ZNF469: variants seen among roughly 807,000 people sequenced by gnomAD.
ZNF469 encodes zinc finger protein 469.
In ZNF469, 1 loss-of-function variant was observed where a neutral mutation model predicts 1.0. That is an observed-to-expected ratio of 1.00 (90% CI 0.35 to 4.73). The LOEUF is 4.73. Among genes scored for constraint, ZNF469 ranks in the 30% most tolerant of loss-of-function variants. The pLI is 0.16. For synonymous variants in ZNF469, 2,703 were observed against 2,363.4 expected (o/e 1.14, Z -4.17); for missense variants, 6,100 against 5,356.3 (o/e 1.14, Z -4.33).
At chr16:88,156,415 G>A in the ZNF469 span, among the ~76,000 whole-genome samples, 1 of 152,180 alleles carries the variant, frequency 6.6e-6, no homozygotes, top group African/African-American at 2.4e-5. Context: ...TGTGTATGGT[G>A]TGAGGTAGGG....
the ZNF469 span, among the ~76,000 whole-genome samples, chr16:88,142,474 G>A: frequency 0.17 from 25,450 of 152,182 alleles, 2,654 homozygotes; most frequent in East Asian, 0.48. Context: ...TGCCTAAGCG[G>A]GTCCTTATCA....
At chr16:88,129,975 C>G in the ZNF469 span, among the ~76,000 whole-genome samples, 1 of 152,240 alleles carries the variant, frequency 6.6e-6, no homozygotes, top group African/African-American at 2.4e-5. Context: ...TCAGACTCAG[C>G]TTTTCTTGCT....
At chr16:88,195,543 A>T in the ZNF469 span, among the ~76,000 whole-genome samples, 2 of 152,184 alleles carry the variant, frequency 1.3e-5, no homozygotes, top group African/African-American at 4.8e-5. Flanking sequence ...GCCAAGAGAC[A>T]AGGTTGCAGA....
chr16:88,125,874 A>G, the ZNF469 span, among the ~76,000 whole-genome samples: 2 of 152,172 alleles, frequency 1.3e-5, no homozygotes, highest in Non-Finnish European at 2.9e-5. Context: ...GACCCTGCTT[A>G]GTTCTAGTTC....
At chr16:88,354,750 G>C in the ZNF469 span, among the ~76,000 whole-genome samples, 33 of 152,268 alleles carry the variant, frequency 2.2e-4, no homozygotes, top group African/African-American at 7.9e-4. Context: ...GGCTCCCAAG[G>C]CTCCCAAGCC....
At chr16:88,212,113 C>A in the ZNF469 span, among the ~76,000 whole-genome samples, 1 of 152,176 alleles carries the variant, frequency 6.6e-6, no homozygotes, top group African/African-American at 2.4e-5. Flanking sequence ...CTTAAAGTTG[C>A]CTGCTATTTT....
Position 88,432,041 on chromosome 16 carries a change from T to G in ZNF469, c.4571T>G (p.Leu1524Arg), listed in dbSNP as rs111916311. ...CCTGATCTCTCGGGGGGAAAGGTGC[T>G]CAGTAAGACGTGTCCCCCTGAACGG... ...HFPDLSGGKV[L>R]SKTCPPERTV... Residue 1524 changes from leucine to arginine, a missense_variant, in exon 3 of 3, where the codon CTC becomes CGC. Transcript: ENST00000565624. 5.9e-5 allele frequency: 92 copies of G among 1,550,434 alleles called. No homozygotes were observed. In the African/African-American group the frequency reaches 7.4e-4, roughly 12 times the overall value.
chr16:88,330,795 A>T, the ZNF469 span, among the ~76,000 whole-genome samples: 862 of 152,184 alleles, frequency 5.7e-3, 22 homozygotes, highest in East Asian at 0.072. Flanking sequence ...CCTGTTTGCC[A>T]CTCTGTGACC....
At chr16:88,397,253 G>A (rs1019228452) in intron 1 of ZNF469, among the ~76,000 whole-genome samples, 8 of 152,256 alleles carry the variant, frequency 5.3e-5, no homozygotes, top group African/African-American at 1.9e-4. Flanking sequence ...CCACCCTCAA[G>A]CGATCACCAT....
chr16:88,155,942 G>A, the ZNF469 span, among the ~76,000 whole-genome samples: 1 of 152,172 alleles, frequency 6.6e-6, no homozygotes, highest in African/African-American at 2.4e-5. Context: ...TTACAGCCGT[G>A]CTTATAGGTG....
chr16:88,360,319 C>T, the ZNF469 span, among the ~76,000 whole-genome samples: 2 of 152,196 alleles, frequency 1.3e-5, no homozygotes, highest in Admixed American at 6.5e-5. Flanking sequence ...CGTGCCTGGC[C>T]TTGACTTTCT....
the ZNF469 span, among the ~76,000 whole-genome samples, chr16:88,125,238 C>G: frequency 2.0e-5 from 3 of 152,256 alleles, no homozygotes; most frequent in Non-Finnish European, 2.9e-5. Context: ...TATCTTTACA[C>G]TGGCATGCTG....
the ZNF469 span, among the ~76,000 whole-genome samples, chr16:88,148,988 A>G: frequency 1 from 151,779 of 152,270 alleles, 75,646 homozygotes; most frequent in Middle Eastern, 1. Flanking sequence ...ACCATATCAC[A>G]TCCTCAAGGG....
At chr16:88,133,929 A>G in the ZNF469 span, among the ~76,000 whole-genome samples, 1,865 of 146,330 alleles carry the variant, frequency 0.013, no homozygotes, top group African/African-American at 0.047. Context: ...CCCTGTCTCT[A>G]CTAAAAATAC....
At chr16:88,139,989 C>G in the ZNF469 span, among the ~76,000 whole-genome samples, 1 of 152,176 alleles carries the variant, frequency 6.6e-6, no homozygotes, top group Admixed American at 6.5e-5. Context: ...AGTTTGAGCT[C>G]CAATAAACAG....
At chr16:88,161,925 G>T in the ZNF469 span, among the ~76,000 whole-genome samples, 1 of 152,160 alleles carries the variant, frequency 6.6e-6, no homozygotes, top group African/African-American at 2.4e-5. Flanking sequence ...TTATATTCTG[G>T]ACCCAAATGG....
At chr16:88,174,002 A>G in the ZNF469 span, among the ~76,000 whole-genome samples, 6 of 152,232 alleles carry the variant, frequency 3.9e-5, no homozygotes, top group Non-Finnish European at 5.9e-5. Context: ...AACATAATCA[A>G]TAATTACATT....
the ZNF469 span, among the ~76,000 whole-genome samples, chr16:88,252,982 G>T: frequency 2.0e-5 from 3 of 152,174 alleles, no homozygotes; most frequent in Admixed American, 6.5e-5. Context: ...GTATCTGCCG[G>T]TTTTTTGCTT....
chr16:88,267,364 C>T, the ZNF469 span, among the ~76,000 whole-genome samples: 6 of 152,314 alleles, frequency 3.9e-5, no homozygotes, highest in South Asian at 1.2e-3. Flanking sequence ...CGGTGCCAGT[C>T]GCGAAAGCCC....
Sources: allele counts gnomAD v4.1 joint callset (sites outside exome capture counted in the v4.1 genomes callset), GRCh38; gene constraint gnomAD v4.1.1; transcripts MANE v1.5; gene names NCBI Gene and HGNC (gene_info 2026-07-23, HGNC 2026-07-21).